SPATS2L: variants seen among roughly 807,000 people sequenced by gnomAD.
SPATS2L encodes the protein SPATS2-like protein.
SPATS2L carries 30 observed loss-of-function variants against 59.6 expected under a neutral mutation model. That is an observed-to-expected ratio of 0.50 (90% CI 0.38 to 0.68). The LOEUF is 0.68. Ranked by LOEUF, SPATS2L falls within the 30% of genes least tolerant of loss-of-function variation. SPATS2L has a pLI of 0.00. For missense variants in SPATS2L, 615 were observed against 700.0 expected (o/e 0.88, Z 1.37); for synonymous variants, 252 against 263.5 (o/e 0.96, Z 0.42).
At chr2:200,364,310 G>A (rs75125124) in intron 2 of SPATS2L, among the ~76,000 whole-genome samples, 9 of 152,232 alleles carry the variant, frequency 5.9e-5, no homozygotes, top group Non-Finnish European at 1.2e-4. Context: ...TCTCCTGTTC[G>A]GTAAGAAGAA....
chr2:200,407,916 T>C (rs888410199), intron 3 of SPATS2L, among the ~76,000 whole-genome samples: 3 of 152,150 alleles, frequency 2.0e-5, no homozygotes, highest in African/African-American at 7.2e-5. Context: ...TCAACAAATA[T>C]GTATTAAATA....
intron 1 of SPATS2L, among the ~76,000 whole-genome samples, chr2:200,310,069 C>A (rs763087762): frequency 6.6e-6 from 1 of 152,028 alleles, no homozygotes; most frequent in Non-Finnish European, 1.5e-5. Flanking sequence ...GTTATCCTTC[C>A]TTGCATCATA....
intron 2 of SPATS2L, among the ~76,000 whole-genome samples, chr2:200,334,912 G>GA: frequency 6.6e-6 from 1 of 152,300 alleles, no homozygotes; most frequent in Admixed American, 6.5e-5. Context: ...TTTGGTTACT[G>GA]TAGCCTTGTA....
intron 6 of SPATS2L, among the ~76,000 whole-genome samples, chr2:200,431,008 G>C (rs534195654): frequency 2.0e-5 from 3 of 152,040 alleles, no homozygotes; most frequent in Non-Finnish European, 2.9e-5. Context: ...ATGAACCATC[G>C]CACCCGGCCT....
chr2:200,344,472 T>C (rs1467668556), intron 2 of SPATS2L, among the ~76,000 whole-genome samples: 1 of 152,244 alleles, frequency 6.6e-6, no homozygotes, highest in African/African-American at 2.4e-5. Flanking sequence ...AGTCTATCAC[T>C]GATGGGCATT....
intron 2 of SPATS2L, among the ~76,000 whole-genome samples, chr2:200,345,644 A>G (rs1325909597): frequency 3.3e-5 from 5 of 152,080 alleles, no homozygotes; most frequent in Admixed American, 3.3e-4. Context: ...GATTCCCTGC[A>G]TTTCTTCTAT....
At chr2:200,396,460 C>T (rs114856758) in intron 3 of SPATS2L, among the ~76,000 whole-genome samples, 3,739 of 152,024 alleles carry the variant, frequency 0.025, 73 homozygotes, top group Middle Eastern at 0.037. Context: ...GGTGTCTGTC[C>T]CCAACGGATG....
At chr2:200,439,565 C>G (rs1299593031) in intron 7 of SPATS2L, among the ~76,000 whole-genome samples, 1 of 152,144 alleles carries the variant, frequency 6.6e-6, no homozygotes, top group Non-Finnish European at 1.5e-5. Flanking sequence ...TGAGACCATT[C>G]TTGTTGTAGG....
intron 6 of SPATS2L, among the ~76,000 whole-genome samples, chr2:200,421,951 A>C (rs2106019033): frequency 6.6e-6 from 1 of 152,372 alleles, no homozygotes; most frequent in Admixed American, 6.5e-5. Context: ...TTCTTTATAA[A>C]ACAATGTCAG....
At chr2:200,345,671 G>A (rs971912250) in intron 2 of SPATS2L, among the ~76,000 whole-genome samples, 1 of 152,272 alleles carries the variant, frequency 6.6e-6, no homozygotes. Flanking sequence ...GCTCCCAAGT[G>A]ATGATCATGT....
At chr2:200,466,810 C>T (rs1326347573) in intron 9 of SPATS2L, among the ~76,000 whole-genome samples, 1 of 152,156 alleles carries the variant, frequency 6.6e-6, no homozygotes, top group Non-Finnish European at 1.5e-5. Flanking sequence ...ATTCCAGTAA[C>T]ACAGCTAGTC....
At chr2:200,377,224 A>C (rs2105902574) in intron 2 of SPATS2L, among the ~76,000 whole-genome samples, 1 of 152,322 alleles carries the variant, frequency 6.6e-6, no homozygotes, top group African/African-American at 2.4e-5. Context: ...TACTTGCCCA[A>C]ATCCCAAAAC....
chr2:200,396,912 G>A (rs1317991213), intron 3 of SPATS2L, among the ~76,000 whole-genome samples: 1 of 152,158 alleles, frequency 6.6e-6, no homozygotes, highest in African/African-American at 2.4e-5. Context: ...TTAACAGAAA[G>A]GAGAAACATT....
chr2:200,308,173 A>G (rs1460483644), intron 1 of SPATS2L, among the ~76,000 whole-genome samples: 1 of 152,016 alleles, frequency 6.6e-6, no homozygotes, highest in Non-Finnish European at 1.5e-5. Flanking sequence ...ACTGTTTTCC[A>G]GAGTTTAAGC....
rs571105272 is a variant in SPATS2L at position 200,472,877 on chromosome 2, C to T, written c.1106C>T (p.Ser369Phe). 6.2e-7 allele frequency: 1 copy of T among 1,613,972 alleles called. No homozygotes were observed. Among genetic ancestry groups the T allele is most frequent in the South Asian group, 1.1e-5 (1 of 91,082 alleles). The change falls in exon 12 of 13, where the codon TCC becomes TTC. Residue 369 changes from serine to phenylalanine, a missense_variant. Physicochemically the swap from Ser to Phe is radical, Grantham distance 155 (BLOSUM62 -2). Coordinates refer to ENST00000409140, the MANE Select transcript of SPATS2L (RefSeq NM_001100423.2). ...TATTCCTCAAGAACTCCCTGCAGCT[C>T]CCTGCTGCCTCTGCTGAATGCGCAC... is the stretch of plus-strand genomic sequence containing the variant. ...NNYSSRTPCS[S>F]LLPLLNAHAA...
At chr2:200,360,662 A>G (rs1559067034) in intron 2 of SPATS2L, among the ~76,000 whole-genome samples, 1 of 152,204 alleles carries the variant, frequency 6.6e-6, no homozygotes, top group Non-Finnish European at 1.5e-5. Flanking sequence ...GGTGGTCAGC[A>G]GTGTCCTCAC....
chr2:200,332,606 T>C (rs1413349888), intron 2 of SPATS2L, among the ~76,000 whole-genome samples: 1 of 152,172 alleles, frequency 6.6e-6, no homozygotes, highest in East Asian at 1.9e-4. Context: ...TTAGTGAATG[T>C]GTAGGAGTGA....
At chr2:200,342,588 C>T (rs971655839) in intron 2 of SPATS2L, among the ~76,000 whole-genome samples, 5 of 152,232 alleles carry the variant, frequency 3.3e-5, no homozygotes, top group Non-Finnish European at 7.3e-5. Flanking sequence ...CTTACAGTCC[C>T]ATGGGGGAAG....
intron 1 of SPATS2L, 46 bp downstream of exon 1, chr2:200,306,968 G>GCGCGGGCGGA (rs1449276537): frequency 5.1e-6 from 5 of 982,850 alleles, no homozygotes; most frequent in Admixed American, 6.2e-5. Context: ...GGGATGCAGG[G>GCGCGGGCGGA]CGCGGGCGGA....
Sources: allele counts gnomAD v4.1 joint callset (sites outside exome capture counted in the v4.1 genomes callset), GRCh38; gene constraint gnomAD v4.1.1; transcripts MANE v1.5; gene names NCBI Gene and HGNC (gene_info 2026-07-23, HGNC 2026-07-21).